Variants in AJUBA observed in about 807,000 individuals in gnomAD.
AJUBA encodes the protein ajuba LIM protein.
A neutral mutation model predicts 53.3 loss-of-function variants in AJUBA; 20 were observed. The observed-to-expected ratio is 0.38, with a 90% CI of 0.26 to 0.55. The LOEUF (loss-of-function observed/expected upper bound fraction) is 0.55, where lower values mean the gene tolerates loss of function less well. Among genes scored for constraint, AJUBA ranks in the 20% least tolerant of loss-of-function variants. The probability of loss-of-function intolerance (pLI) is 0.80; values close to 1 mark genes in which losing one functional copy is unlikely to be tolerated. For synonymous variants in AJUBA, 296 were observed against 306.2 expected (o/e 0.97, Z 0.35); for missense variants, 580 against 730.5 (o/e 0.79, Z 2.38).
chr14:22,975,201 C>G, intron 4 of AJUBA, 97 bp from the exon 5 acceptor site: 3 of 1,475,050 alleles, frequency 2.0e-6, no homozygotes, highest in African/African-American at 1.4e-5. Context: ...CTCATCCAAC[C>G]CGCTGCTATA....
intron 6 of AJUBA, 49 bp downstream of exon 6, chr14:22,974,790 C>A (rs1399016969): frequency 1.3e-6 from 2 of 1,582,136 alleles, no homozygotes; most frequent in Non-Finnish European, 1.7e-6. Context: ...ATCCCCTCCC[C>A]AAAGGCAGTG....
At position 22,971,989 on chromosome 14, in the gene AJUBA, T is replaced by G. The variant is rs2044987305; in HGVS notation, c.*1454A>C. ...ATAATAGCTCAGAAGTACTCTTGGATGAATAGATATAAATCCTTGAAATAT... is the reference window on the plus strand; with the variant it reads ...ATAATAGCTCAGAAGTACTCTTGGAGGAATAGATATAAATCCTTGAAATAT... On this transcript the variant is annotated 3_prime_UTR_variant, in exon 8 of 8. Coordinates refer to ENST00000262713, the MANE Select transcript of AJUBA (RefSeq NM_032876.6). The G allele has an allele frequency of 6.6e-6, 1 of 152,646 alleles. No homozygotes were observed. Among genetic ancestry groups the G allele is most frequent in the African/African-American group, 2.4e-5 (1 of 41,460 alleles). 9.5% of individuals were successfully genotyped at this position (152,646 alleles called of 1,614,324 possible).
intron 2 of AJUBA, among the ~76,000 whole-genome samples, chr14:22,978,039 A>G (rs1211472890): frequency 6.6e-6 from 1 of 151,604 alleles, no homozygotes; most frequent in Non-Finnish European, 1.5e-5. Flanking sequence ...CCCCACCAAG[A>G]AGCTGGAGGG....
chr14:22,977,612 A>C (rs2045049268), intron 2 of AJUBA: 1 of 152,348 alleles, frequency 6.6e-6, no homozygotes, highest in Non-Finnish European at 1.5e-5. Context: ...AGAAGGATAG[A>C]CAGACAGATG....
chr14:22,973,631 G>T (rs2045006165), intron 7 of AJUBA, 63 bp from the exon 8 acceptor site: 3 of 1,596,422 alleles, frequency 1.9e-6, no homozygotes, highest in Non-Finnish European at 2.6e-6. Flanking sequence ...GGTATCTTAG[G>T]AGTCTGCCCT....
intron 1 of AJUBA, chr14:22,980,749 G>A (rs1379264134): frequency 3.2e-6 from 3 of 945,092 alleles, no homozygotes; most frequent in Non-Finnish European, 3.8e-6. Flanking sequence ...TCCGCCGCGC[G>A]GCGGCAGCCG....
At chr14:22,976,952 T>C (rs994609639) in intron 2 of AJUBA, 3 of 1,384,060 alleles carry the variant, frequency 2.2e-6, no homozygotes, top group Non-Finnish European at 2.8e-6. Context: ...CCTGCCTCCT[T>C]AACAGTTTTC....
intron 3 of AJUBA, 28 bp downstream of exon 3, chr14:22,976,617 A>G: frequency 3.1e-6 from 5 of 1,613,686 alleles, no homozygotes; most frequent in Non-Finnish European, 4.2e-6. Context: ...ATGGAAACCA[A>G]TTCCAGGTCC....
chr14:22,981,609 C>T lies in AJUBA; in HGVS notation c.658G>A (p.Ala220Thr), dbSNP rs1182641615. The T allele has an allele frequency of 1.3e-6, 2 of 1,532,530 alleles. No homozygotes were observed. The highest frequency in any genetic ancestry group is 2.7e-5 in the African/African-American group (2 of 73,358). The allele number at this position is 1,532,530 out of a possible 1,614,324, so 94.9% of individuals were successfully genotyped here. A position where few individuals can be genotyped will look rare whatever the true frequency, so the allele number is the denominator to read the frequency against. Residue 220 changes from alanine to threonine, a missense_variant, in exon 1 of 8, where the codon GCG becomes ACG. Physicochemically the swap from Ala to Thr is moderately conservative, Grantham distance 58 (BLOSUM62 0). Transcript: ENST00000262713. ...CGGCTTTCCTGGCAGCCGAACCCCG[C>T]GGGCCGCTGAGCGTACAATCGGTCC... ...ALDRLYAQRP[A>T]GFGCQESRHS...
In AJUBA at chr14:22,978,346, C is replaced by T; in HGVS notation, c.1106G>A (p.Cys369Tyr). Residue 369 changes from cysteine to tyrosine, a missense_variant and splice_region_variant, in exon 2 of 8, where the codon TGT becomes TAT. Cys to Tyr is a radical substitution (Grantham distance 194). Coordinates refer to ENST00000262713, the MANE Select transcript of AJUBA (RefSeq NM_032876.6). ...YHTQCFVCCS[C>Y]GRTLRCKAFY... ...TTGAGTATTGGGGCTACACTCACCA[C>T]AAGAGCAGCAAACAAAGCACTGGGT... 1 of 1,613,322 alleles carries T rather than the reference C, an allele frequency of 6.2e-7. No individual in the cohort carries two copies.
Position 22,973,254 on chromosome 14 carries a change from A to AAT in AJUBA, c.*187_*188dup, listed in dbSNP as rs776259673. 2.7e-5 allele frequency: 24 copies of AAT among 896,328 alleles called. No individual in the cohort carries two copies. Among genetic ancestry groups the AAT allele is most frequent in the Middle Eastern group, 3.6e-4 (1 of 2,776 alleles). 55.5% of individuals were successfully genotyped at this position (896,328 alleles called of 1,614,324 possible). A position where few individuals can be genotyped will look rare whatever the true frequency, so the allele number is the denominator to read the frequency against. On this transcript the variant is annotated 3_prime_UTR_variant, in exon 8 of 8. Transcript: ENST00000262713. ...AAGGCCAGTCGCCCCCACCCTGGTAAATATAAGGTTTCTCTTCCACAATCC... is the reference window on the plus strand; with the variant it reads ...AAGGCCAGTCGCCCCCACCCTGGTAAATATATAAGGTTTCTCTTCCACAATCC...
chr14:22,976,812 G>C, intron 2 of AJUBA, 100 bp from the exon 3 acceptor site: 1 of 1,510,590 alleles, frequency 6.6e-7, no homozygotes, highest in Non-Finnish European at 8.8e-7. Flanking sequence ...TTTAAACCTG[G>C]ACTTTGTGCT....
In AJUBA at chr14:22,974,037, C is replaced by A. The variant is rs1454745360; in HGVS notation, c.1491+10G>T. The A allele has an allele frequency of 1.2e-6, 2 of 1,614,104 alleles. No homozygotes were observed. The highest frequency in any genetic ancestry group is 1.7e-5 in the Admixed American group (1 of 60,024). On this transcript the variant is annotated intron_variant, in intron 7 of 7. Transcript: ENST00000262713. Reference sequence around the variant, plus strand: ...CTTCTTCTCCAGCACCGCTGAACCCCAACACTCACCTCACAGTGGTAGCAC... The same window carrying A: ...CTTCTTCTCCAGCACCGCTGAACCCAAACACTCACCTCACAGTGGTAGCAC...
intron 1 of AJUBA, chr14:22,980,741 C>T (rs929256669): frequency 5.2e-6 from 5 of 961,906 alleles, no homozygotes; most frequent in African/African-American, 3.5e-5. Flanking sequence ...CCCACCCCTC[C>T]GCCGCGCGGC....
chr14:22,979,149 G>T lies in AJUBA; in HGVS notation c.1007-704C>A, dbSNP rs2045064847. 1.6e-6 allele frequency: 2 copies of T among 1,229,118 alleles called. No homozygotes were observed. Among genetic ancestry groups the T allele is most frequent in the African/African-American group, 3.1e-5 (2 of 63,764 alleles). 76.1% of individuals were successfully genotyped at this position (1,229,118 alleles called of 1,614,324 possible). ...TGCCTCCTAGTCACCTTCTATCATG[G>T]GAAGAATACAGAACTGAACTGCTTG... On this transcript the variant is annotated intron_variant, in intron 1 of 7. Transcript: ENST00000262713. This position sits in a 1 kb window ranked among gnomAD's most constrained non-coding sequence, Gnocchi z 4.0.
intron 1 of AJUBA, 154 bp from the exon 2 acceptor site, chr14:22,978,599 G>T (rs746171581): frequency 5.6e-6 from 8 of 1,417,178 alleles, no homozygotes; most frequent in Non-Finnish European, 7.4e-6. Context: ...ATGAGATGCA[G>T]CAAGATCTTG....
rs1319296765 is a variant in AJUBA at position 22,981,871 on chromosome 14, C to T, written c.396G>A (p.Ala132=). ...TGCCCCGGGGGCTGGACGGCTTGCT[C>T]GCGTCGCTGGCCGAGCTACTGGCGA... ...SSFASSSASD[A]SKPSSPRGSL... Residue 132 remains alanine (A), a synonymous_variant, in exon 1 of 8, where the codon GCG becomes GCA. Transcript: ENST00000262713. The T allele has an allele frequency of 5.9e-6, 9 of 1,535,590 alleles. No homozygotes were observed. The highest frequency in any genetic ancestry group is 7.8e-6 in the Non-Finnish European group (9 of 1,146,530).
At chr14:22,981,213 A>C in intron 1 of AJUBA, 48 bp downstream of exon 1, 10 of 1,537,650 alleles carry the variant, frequency 6.5e-6, no homozygotes, top group African/African-American at 1.4e-5. Flanking sequence ...TGGAGAACCG[A>C]ATACCGTGAC....
Position 22,974,966 on chromosome 14 carries a change from A to T in AJUBA, c.1370+8T>A. The stretch of plus-strand genomic sequence containing the variant: ...AGTTCCACACTGCATCCCAAGGGGC[A>T]GACTCACTTGTGGTAGTCGGTGACA... On this transcript the variant is annotated splice_region_variant and intron_variant, in intron 5 of 7. Transcript: ENST00000262713. 1 of 1,614,080 alleles carries T rather than the reference A, an allele frequency of 6.2e-7. No homozygotes were observed. Among genetic ancestry groups the T allele is most frequent in the Admixed American group, 1.7e-5 (1 of 60,020 alleles).
Sources: allele counts gnomAD v4.1 joint callset (sites outside exome capture counted in the v4.1 genomes callset), GRCh38; gene constraint gnomAD v4.1.1; non-coding constraint Gnocchi (gnomAD v3.1); transcripts MANE v1.5; gene names NCBI Gene and HGNC (gene_info 2026-07-23, HGNC 2026-07-21).